The following FGF5 variants were observed in gnomAD, a reference collection of about 807,000 sequenced individuals.
FGF5 encodes the protein fibroblast growth factor 5.
FGF5 carries 23 observed loss-of-function variants against 21.8 expected under a neutral mutation model. The observed-to-expected ratio is 1.05, with a 90% CI of 0.76 to 1.49. FGF5 has a LOEUF of 1.49. Among genes scored for constraint, FGF5 ranks in the 40% most tolerant of loss-of-function variants. The probability of loss-of-function intolerance (pLI) is 0.00; values close to 1 mark genes in which losing one functional copy is unlikely to be tolerated. For missense variants in FGF5, 352 were observed against 332.9 expected, an observed-to-expected ratio of 1.06 and a Z score of -0.45; for synonymous variants, 158 against 124.0, an observed-to-expected ratio of 1.27 and a Z score of -1.82.
At chr4:80,277,514 T>G (rs1439730289) in intron 2 of FGF5, among the ~76,000 whole-genome samples, 5 of 152,178 alleles carry the variant, frequency 3.3e-5, no homozygotes, top group Non-Finnish European at 7.4e-5. Context: ...TGCTAGCAAT[T>G]ACCAGTTTTA....
chr4:80,289,463 A>G lies in FGF5; in HGVS notation c.*2791A>G, dbSNP rs1720837041. On this transcript the variant is annotated 3_prime_UTR_variant, in exon 3 of 3. Transcript: ENST00000312465. ...TTTTAAGTAACTAGAACCACCAAATATCAAATAAAATTATTTGGTTATGGT... is the reference window on the plus strand; with the variant it reads ...TTTTAAGTAACTAGAACCACCAAATGTCAAATAAAATTATTTGGTTATGGT... 1.3e-5 allele frequency: 2 copies of G among 152,170 alleles called. No homozygotes were observed. The highest frequency in any genetic ancestry group is 2.9e-5 in the Non-Finnish European group (2 of 68,038). 9.4% of individuals were successfully genotyped at this position (152,170 alleles called of 1,614,324 possible). A position where few individuals can be genotyped will look rare whatever the true frequency, so the allele number is the denominator to read the frequency against.
upstream of FGF5, chr4:80,266,630 C>A (rs986101022): frequency 1.2e-5 from 7 of 585,512 alleles, no homozygotes; most frequent in African/African-American, 1.3e-4. Flanking sequence ...AGATCACTGG[C>A]GTTATAAATA....
At chr4:80,275,460 A>G (rs1223721017) in intron 2 of FGF5, among the ~76,000 whole-genome samples, 1 of 151,990 alleles carries the variant, frequency 6.6e-6, no homozygotes, top group Non-Finnish European at 1.5e-5. Context: ...TTTCATATTA[A>G]CAAGCAGGGA....
intron 2 of FGF5, 107 bp downstream of exon 2, chr4:80,275,119 TA>T: frequency 2.0e-6 from 1 of 498,052 alleles, no homozygotes; most frequent in Non-Finnish European, 3.6e-6. Context: ...CCAAAGAACT[TA>T]ACTTTTAAAA....
In FGF5 at chr4:80,270,787, T is replaced by C. The variant is rs562617848; in HGVS notation, c.355+3608T>C. 3.3e-5 allele frequency among the ~76,000 whole-genome samples: 5 copies of C among 152,346 alleles called. 1 individual carries two copies. The South Asian group carries it at 1.0e-3, about 32-fold the overall frequency. On this transcript the variant is annotated intron_variant, in intron 1 of 2. Transcript: ENST00000312465. ...TTTGTCAAAGCGTTTACATAAAATA[T>C]GAAAATTCCAAGCACATATTTTGGT...
At chr4:80,269,325 T>G (rs544628613) in intron 1 of FGF5, among the ~76,000 whole-genome samples, 1 of 152,242 alleles carries the variant, frequency 6.6e-6, no homozygotes, top group South Asian at 2.1e-4. Context: ...AGGGTTTAGG[T>G]GTGCTAGAGA....
Position 80,267,052 on chromosome 4 carries a change from G to A in FGF5, c.228G>A (p.Gln76=). The A allele has an allele frequency of 1.2e-6, 2 of 1,614,260 alleles. No homozygotes were observed. Among genetic ancestry groups the A allele is most frequent in the Non-Finnish European group, 1.7e-6 (2 of 1,180,048 alleles). The stretch of plus-strand genomic sequence containing the variant: ...GCAGCCAAGGAAGTGGCTTGGAGCA[G>A]AGCAGTTTCCAGTGGAGCCCCTCGG... ...SLGSQGSGLE[Q]SSFQWSPSGR... Residue 76 remains glutamine, a synonymous_variant, in exon 1 of 3, where the codon CAG becomes CAA. Coordinates refer to ENST00000312465, the MANE Select transcript of FGF5 (RefSeq NM_004464.4).
At chr4:80,284,094 G>A (rs189665859) in intron 2 of FGF5, among the ~76,000 whole-genome samples, 172 of 152,280 alleles carry the variant, frequency 1.1e-3, no homozygotes, top group African/African-American at 3.7e-3. Flanking sequence ...AAGGTGTATC[G>A]TAGACAGGGT....
At chr4:80,269,090 T>C (rs1409343445) in intron 1 of FGF5, among the ~76,000 whole-genome samples, 1 of 152,160 alleles carries the variant, frequency 6.6e-6, no homozygotes, top group Non-Finnish European at 1.5e-5. Flanking sequence ...CGTGGAGTCA[T>C]TGGTCTGAGA....
chr4:80,270,334 T>C (rs771075845), intron 1 of FGF5, among the ~76,000 whole-genome samples: 9 of 152,222 alleles, frequency 5.9e-5, no homozygotes, highest in Admixed American at 4.6e-4. Context: ...GATAATCATA[T>C]GTGTTTCGCA....
chr4:80,268,085 G>T (rs1053803337), intron 1 of FGF5, among the ~76,000 whole-genome samples: 9 of 152,160 alleles, frequency 5.9e-5, no homozygotes. Flanking sequence ...TTCCCTCTGA[G>T]TTTTTTCTTT....
chr4:80,267,317 C>T (rs1275761770), intron 1 of FGF5, 138 bp downstream of exon 1: 3 of 695,250 alleles, frequency 4.3e-6, no homozygotes, highest in African/African-American at 1.8e-5. Context: ...CAGAAACAGC[C>T]GGGCGGGTTG....
Position 80,266,923 on chromosome 4 carries a change from A to T in FGF5, c.99A>T (p.Gly33=), listed in dbSNP as rs756297312. 52 of 1,614,014 alleles carry T rather than the reference A, an allele frequency of 3.2e-5. No individual in the cohort carries two copies. Among genetic ancestry groups the T allele is most frequent in the Non-Finnish European group, 4.3e-5 (51 of 1,179,962 alleles). Residue 33 remains glycine (G), a synonymous_variant, in exon 1 of 3, where the codon GGA becomes GGT. Transcript: ENST00000312465. ...GTCTCGCCCCCAAAGGGCAACCCGGACCCGCTGCCACTGATAGGAACCCTA... is the reference window on the plus strand; with the variant it reads ...GTCTCGCCCCCAAAGGGCAACCCGGTCCCGCTGCCACTGATAGGAACCCTA... ...EKRLAPKGQP[G]PAATDRNPRG...
intron 1 of FGF5, chr4:80,268,357 G>T (rs1222939360): frequency 2.3e-6 from 1 of 439,796 alleles, no homozygotes; most frequent in Non-Finnish European, 3.0e-6. Flanking sequence ...GACCGGAAAT[G>T]TAGCCAGGAG....
At chr4:80,285,572 C>T (rs1344522925) in intron 2 of FGF5, among the ~76,000 whole-genome samples, 1 of 152,126 alleles carries the variant, frequency 6.6e-6, no homozygotes. Context: ...GTCATAATTC[C>T]ATTTATCAAG....
At chr4:80,284,192 G>T (rs1461704972) in intron 2 of FGF5, among the ~76,000 whole-genome samples, 1 of 152,118 alleles carries the variant, frequency 6.6e-6, no homozygotes, top group Non-Finnish European at 1.5e-5. Flanking sequence ...CCAGCACTTT[G>T]GGAGGCCGAG....
At chr4:80,283,304 G>C (rs926118935) in intron 2 of FGF5, among the ~76,000 whole-genome samples, 1 of 152,094 alleles carries the variant, frequency 6.6e-6, no homozygotes, top group Admixed American at 6.5e-5. Context: ...TAACAGTTAG[G>C]TGACCTTTGA....
intron 1 of FGF5, among the ~76,000 whole-genome samples, chr4:80,272,330 T>C (rs1720292292): frequency 6.6e-6 from 1 of 152,128 alleles, no homozygotes; most frequent in Admixed American, 6.5e-5. Context: ...CAGCAATATG[T>C]AATACAATAA....
intron 2 of FGF5, among the ~76,000 whole-genome samples, chr4:80,276,686 C>A (rs1211752732): frequency 6.7e-6 from 1 of 149,884 alleles, no homozygotes; most frequent in Non-Finnish European, 1.5e-5. Context: ...ATGTATCATT[C>A]TCAGGGCATT....
Sources: allele counts gnomAD v4.1 joint callset (sites outside exome capture counted in the v4.1 genomes callset), GRCh38; gene constraint gnomAD v4.1.1; transcripts MANE v1.5; gene names NCBI Gene and HGNC (gene_info 2026-07-23, HGNC 2026-07-21).